Variants in TOX observed in about 807,000 individuals in gnomAD.
The protein encoded by TOX is thymocyte selection associated high mobility group box, also known as thymocyte selection-associated high mobility group box protein TOX.
In TOX, 11 loss-of-function variants were observed where a neutral mutation model predicts 53.7. That is an observed-to-expected ratio of 0.20 (90% CI 0.13 to 0.34). TOX has a LOEUF of 0.34. Ranked by LOEUF, TOX falls within the 10% of genes least tolerant of loss-of-function variation. TOX has a pLI of 1.00. For synonymous variants in TOX, 225 were observed against 245.3 expected, an observed-to-expected ratio of 0.92 and a Z score of 0.77; for missense variants, 570 against 664.6, an observed-to-expected ratio of 0.86 and a Z score of 1.56.
intron 3 of TOX, among the ~76,000 whole-genome samples, chr8:58,857,802 C>T (rs1481283269): frequency 6.6e-6 from 1 of 152,000 alleles, no homozygotes; most frequent in African/African-American, 2.4e-5. Context: ...TGGACTCTTA[C>T]TCTGTCGCAC....
In TOX at chr8:59,118,151, G is replaced by A. The variant is rs1805140844; in HGVS notation, c.102+735C>T. ...CGGGCCGTGGGTACAGCTCAGCCGC[G>A]GACCCTGCTCCGCGAGTGCGGGAGC... On this transcript the variant is annotated intron_variant, in intron 1 of 8. Transcript: ENST00000361421. This position sits in a 1 kb window ranked among gnomAD's most constrained non-coding sequence, Gnocchi z 4.1. Among the ~76,000 whole-genome samples, 1 of 152,192 alleles carries A rather than the reference G, an allele frequency of 6.6e-6. No individual in the cohort carries two copies. Among genetic ancestry groups the A allele is most frequent in the Non-Finnish European group, 1.5e-5 (1 of 68,038 alleles).
chr8:58,826,103 T>C (rs1054705320), intron 6 of TOX, among the ~76,000 whole-genome samples: 3 of 152,172 alleles, frequency 2.0e-5, no homozygotes, highest in Admixed American at 6.5e-5. Flanking sequence ...GTCTGGATAT[T>C]TGTGAATGAG....
chr8:58,935,427 A>C (rs935838909), intron 3 of TOX, among the ~76,000 whole-genome samples: 19 of 152,208 alleles, frequency 1.2e-4, no homozygotes, highest in African/African-American at 3.6e-4. Context: ...CTTTTAGAAA[A>C]TATAATTAGA....
chr8:58,927,160 A>C (rs1226414309), intron 3 of TOX, among the ~76,000 whole-genome samples: 3 of 151,818 alleles, frequency 2.0e-5, no homozygotes, highest in Non-Finnish European at 4.4e-5. Context: ...GAAATGTAGG[A>C]TCTCTCGTTT....
At chr8:58,900,921 C>A (rs1324863687) in intron 3 of TOX, among the ~76,000 whole-genome samples, 2 of 152,032 alleles carry the variant, frequency 1.3e-5, no homozygotes, top group Non-Finnish European at 2.9e-5. Context: ...AAAATCCATT[C>A]TTCTCTTGCA....
intron 1 of TOX, among the ~76,000 whole-genome samples, chr8:58,982,666 C>A (rs1813227043): frequency 1.3e-5 from 2 of 152,192 alleles, no homozygotes; most frequent in Admixed American, 6.5e-5. Flanking sequence ...GTCTTCTCAC[C>A]TTTTGTCCAG....
chr8:58,829,222 A>G (rs1304572208), intron 5 of TOX, among the ~76,000 whole-genome samples: 1 of 152,172 alleles, frequency 6.6e-6, no homozygotes, highest in Non-Finnish European at 1.5e-5. Context: ...CAAAGTGTTA[A>G]CTTTCCTGAA....
intron 3 of TOX, among the ~76,000 whole-genome samples, chr8:58,884,282 T>C (rs1021677034): frequency 2.0e-5 from 3 of 152,126 alleles, no homozygotes; most frequent in Non-Finnish European, 4.4e-5. Flanking sequence ...TATACTTTTA[T>C]TTTACATATG....
intron 7 of TOX, among the ~76,000 whole-genome samples, chr8:58,812,995 G>A (rs766810707): frequency 2.6e-5 from 4 of 152,154 alleles, no homozygotes; most frequent in Non-Finnish European, 4.4e-5. Flanking sequence ...GTAGTCTTTG[G>A]AGCGATTTAA....
At chr8:59,073,514 C>T (rs957710177) in intron 1 of TOX, among the ~76,000 whole-genome samples, 5 of 152,104 alleles carry the variant, frequency 3.3e-5, no homozygotes, top group African/African-American at 1.2e-4. Flanking sequence ...TATTTAGAGT[C>T]CAATTTACTT....
chr8:58,963,261 T>C (rs1019120991), intron 1 of TOX, among the ~76,000 whole-genome samples: 1 of 151,956 alleles, frequency 6.6e-6, no homozygotes, highest in African/African-American at 2.4e-5. Flanking sequence ...TGTCAGCCAA[T>C]TCCTTATACT....
intron 3 of TOX, among the ~76,000 whole-genome samples, chr8:58,885,747 G>C (rs747889329): frequency 1.3e-5 from 2 of 152,244 alleles, no homozygotes. Flanking sequence ...TGTGTTTGCT[G>C]TGTTGATTTT....
intron 1 of TOX, among the ~76,000 whole-genome samples, chr8:59,065,677 G>A (rs1213092928): frequency 6.6e-6 from 1 of 152,102 alleles, no homozygotes; most frequent in Non-Finnish European, 1.5e-5. Flanking sequence ...GCACAGCTCT[G>A]TCACAGAGCA....
chr8:59,001,291 C>A (rs1309056097), intron 1 of TOX, among the ~76,000 whole-genome samples: 1 of 152,166 alleles, frequency 6.6e-6, no homozygotes, highest in African/African-American at 2.4e-5. Flanking sequence ...TCACAATTGT[C>A]ATCTGTCCTC....
rs771138557 is a variant in TOX at position 58,851,638 on chromosome 8, C to T, written c.579G>A (p.Leu193=). ...NQSQLSAQLG[L]NMGGSNVPHN... is the part of the protein sequence containing the mutation. Reference sequence around the variant, plus strand: ...GGGGAACATTGCTTCCTCCCATATTCAAACCAAGTTGAGCACTTAGCTGTG... The same window carrying T: ...GGGGAACATTGCTTCCTCCCATATTTAAACCAAGTTGAGCACTTAGCTGTG... Residue 193 remains leucine (L), a synonymous_variant, in exon 4 of 9, where the codon TTG becomes TTA. Transcript: ENST00000361421. This position sits in a 1 kb window ranked among gnomAD's most constrained non-coding sequence, Gnocchi z 4.4. 1 of 1,613,666 alleles carries T rather than the reference C, an allele frequency of 6.2e-7. No homozygotes were observed.
chr8:58,835,342 G>A (rs1810527885), intron 5 of TOX, among the ~76,000 whole-genome samples: 1 of 152,150 alleles, frequency 6.6e-6, no homozygotes, highest in South Asian at 2.1e-4. Flanking sequence ...GCACATAATT[G>A]TAATTATATC....
At chr8:58,909,317 GCCTGCACGT>G (rs997835160) in intron 3 of TOX, among the ~76,000 whole-genome samples, 2 of 152,078 alleles carry the variant, frequency 1.3e-5, no homozygotes, top group Admixed American at 1.3e-4. Flanking sequence ...TATGTAACAG[GCCTGCACGT>G]CCTGCACATG....
At chr8:58,867,388 C>T (rs760177654) in intron 3 of TOX, among the ~76,000 whole-genome samples, 23 of 152,278 alleles carry the variant, frequency 1.5e-4, no homozygotes, top group South Asian at 1.5e-3. Flanking sequence ...CATAAGCAGG[C>T]GCTGTCCCCA....
chr8:58,957,563 G>C (rs1226797672), intron 2 of TOX, among the ~76,000 whole-genome samples: 4 of 152,190 alleles, frequency 2.6e-5, no homozygotes, highest in Non-Finnish European at 5.9e-5. Flanking sequence ...TTCTGGAGCA[G>C]TTCCAGCATT....
Sources: gnomAD v4.1 joint callset for allele counts (sites outside exome capture counted in the v4.1 genomes callset) on GRCh38, gnomAD v4.1.1 for gene constraint, Gnocchi (gnomAD v3.1) non-coding constraint, MANE v1.5 for transcripts, NCBI Gene and HGNC (gene_info 2026-07-23, HGNC 2026-07-21) for gene names.